MGAM: variants seen among roughly 807,000 people sequenced by gnomAD.
MGAM encodes the protein maltase-glucoamylase.
MGAM carries 253 observed loss-of-function variants against 358.8 expected under a neutral mutation model. That is an observed-to-expected ratio of 0.71 (90% CI 0.64 to 0.78). MGAM has a LOEUF of 0.78. MGAM is among the 30% of genes least tolerant of loss of function. MGAM has a pLI of 0.00. For synonymous variants in MGAM, 1,105 were observed against 1,227.1 expected (o/e 0.90, Z 2.08); for missense variants, 3,080 against 3,432.6 (o/e 0.90, Z 2.57).
chr7:142,042,921 TATA>T (rs1403679896), intron 21 of MGAM, among the ~76,000 whole-genome samples: 5 of 42,590 alleles, frequency 1.2e-4, no homozygotes, highest in African/African-American at 1.5e-4. Context: ...TATATATACA[TATA>T]ATATCTAAAT....
chr7:142,040,206 A>T (rs781587536), intron 20 of MGAM, 35 bp downstream of exon 20: 2 of 1,523,484 alleles, frequency 1.3e-6, no homozygotes, highest in East Asian at 4.5e-5. Context: ...ACTCCTTAAG[A>T]CTGTAGCTGC....
Position 142,008,620 on chromosome 7 carries a change from C to A in MGAM, c.242C>A (p.Thr81Asn). Reference sequence around the variant, plus strand: ...ACGGGTCCCCCAGATCCTGGAACAACTGGTACCACTCCTGTTTCTGCTGAA... The same window carrying A: ...ACGGGTCCCCCAGATCCTGGAACAAATGGTACCACTCCTGTTTCTGCTGAA... Reference protein sequence around the residue: ...RTTGPPDPGTTGTTPVSAECP... With the variant: ...RTTGPPDPGTNGTTPVSAECP... The change falls in exon 3 of 71, where the codon ACT becomes AAT. Residue 81 changes from threonine (T) to asparagine (N), a missense_variant. Thr to Asn is a moderately conservative substitution (Grantham distance 65). This residue lies in a region of MGAM where 1,816 missense variants were observed against 1,840.5 expected (regional missense o/e 0.99). Coordinates refer to ENST00000475668, the MANE Select transcript of MGAM (RefSeq NM_001365693.1). 6.2e-7 allele frequency: 1 copy of A among 1,613,552 alleles called. No homozygotes were observed.
Position 142,027,163 on chromosome 7 carries a change from G to A in MGAM, c.1031G>A (p.Gly344Asp), listed in dbSNP as rs1563126179. ...GCCATCACTTACCGCACCATTGGGG[G>A]CATTCTCGACTTCTATGTGTTCTTG... ...APAITYRTIG[G>D]ILDFYVFLGN... is the part of the protein sequence containing the mutation. The change falls in exon 9 of 71, where the codon GGC becomes GAC. Residue 344 changes from glycine (G) to aspartate (D), a missense_variant. Gly to Asp is a moderately conservative substitution (Grantham distance 94, BLOSUM62 -1). This residue lies in a region of MGAM where 1,816 missense variants were observed against 1,840.5 expected (regional missense o/e 0.99). Transcript: ENST00000475668. 2 of 1,613,672 alleles carry A rather than the reference G, an allele frequency of 1.2e-6. No homozygotes were observed. Among genetic ancestry groups the A allele is most frequent in the East Asian group, 2.2e-5 (1 of 44,882 alleles).
At chr7:142,067,947 T>TATATATAA (rs1474142458) in intron 42 of MGAM, among the ~76,000 whole-genome samples, 62 of 37,350 alleles carry the variant, frequency 1.7e-3, no homozygotes, top group African/African-American at 4.5e-3. Context: ...TATATATATA[T>TATATATAA]ATATATATAT....
At chr7:142,053,503 G>T (rs1482541701) in intron 26 of MGAM, among the ~76,000 whole-genome samples, 1 of 152,172 alleles carries the variant, frequency 6.6e-6, no homozygotes, top group Non-Finnish European at 1.5e-5. Flanking sequence ...TGTTCAGTTT[G>T]GGATGCTGAA....
intron 2 of MGAM, among the ~76,000 whole-genome samples, chr7:141,990,266 G>A (rs1189678441): frequency 6.6e-6 from 1 of 152,194 alleles, no homozygotes; most frequent in Non-Finnish European, 1.5e-5. Context: ...CATGCCAAAT[G>A]ATTCACATGC....
chr7:142,086,506 G>A lies in MGAM; in HGVS notation c.6748-149G>A. On this transcript the variant is annotated intron_variant, in intron 56 of 70. Transcript: ENST00000475668. ...TAATAACTTTTAAGTAATATAATGT[G>A]TTACGGAATTCACTTCTCTTTTACA... is the stretch of plus-strand genomic sequence containing the variant. 2 of 561,306 alleles carry A rather than the reference G, an allele frequency of 3.6e-6. 1 individual carries two copies. The highest frequency in any genetic ancestry group is 4.5e-5 in the South Asian group (2 of 44,066). The allele number at this position is 561,306 out of a possible 1,614,324, so 34.8% of individuals were successfully genotyped here. A position where few individuals can be genotyped will look rare whatever the true frequency, so the allele number is the denominator to read the frequency against.
chr7:142,073,836 G>C (rs1813531066), intron 44 of MGAM, among the ~76,000 whole-genome samples: 1 of 146,128 alleles, frequency 6.8e-6, no homozygotes, highest in South Asian at 2.2e-4. Flanking sequence ...AGCTATTGCA[G>C]TGCCTCTGGT....
intron 36 of MGAM, among the ~76,000 whole-genome samples, chr7:142,064,093 A>C (rs1050079678): frequency 3.9e-5 from 6 of 152,200 alleles, no homozygotes; most frequent in Admixed American, 1.3e-4. Context: ...TCATAGAATT[A>C]TGGAAATAAT....
intron 32 of MGAM, 118 bp downstream of exon 32, chr7:142,059,718 G>T: frequency 6.3e-7 from 1 of 1,577,272 alleles, no homozygotes; most frequent in Admixed American, 1.7e-5. Context: ...AGTAAGAAAG[G>T]TGTATTTCCC....
chr7:142,080,939 C>T lies in MGAM; in HGVS notation c.5996C>T (p.Thr1999Ile), dbSNP rs973541474. The change falls in exon 50 of 71, where the codon ACT becomes ATT. Residue 1999 changes from threonine (T) to isoleucine (I), a missense_variant. Physicochemically the swap from Thr to Ile is moderately conservative, Grantham distance 89. This residue lies in a region of MGAM where 932 missense variants were observed against 1,198.2 expected (regional missense o/e 0.78). Transcript: ENST00000475668. ...GIEIRRKSTG[T>I]IIWDSQLLGF... is the part of the protein sequence containing the mutation. ...GAAATTCGCCGGAAGAGTACAGGCA[C>T]TATAATGTGAGTGGCTTCTAGTGTG... 6.4e-7 allele frequency: 1 copy of T among 1,553,556 alleles called. No individual in the cohort carries two copies. The highest frequency in any genetic ancestry group is 8.8e-7 in the Non-Finnish European group (1 of 1,131,024).
At chr7:142,052,197 C>A in intron 24 of MGAM, 97 bp from the exon 25 acceptor site, 2 of 1,062,898 alleles carry the variant, frequency 1.9e-6, no homozygotes, top group South Asian at 1.7e-5. Context: ...AAAGTCTGGT[C>A]TAATTTCTAT....
At position 142,082,323 on chromosome 7, in the gene MGAM, G is replaced by C; in HGVS notation, c.6171+113G>C. 2.2e-6 allele frequency: 3 copies of C among 1,356,062 alleles called. 1 individual carries two copies. The highest frequency in any genetic ancestry group is 3.0e-6 in the Non-Finnish European group (3 of 983,818). 84.0% of individuals were successfully genotyped at this position (1,356,062 alleles called of 1,614,324 possible). ...TGGTCGTCACATTCTGCTTTTAGGC[G>C]AGTGGGCCAATTCTCAGGCTCCTTT... On this transcript the variant is annotated intron_variant, in intron 51 of 70. Transcript: ENST00000475668.
At chr7:142,048,251 C>T (rs1205059012) in intron 22 of MGAM, among the ~76,000 whole-genome samples, 2 of 151,188 alleles carry the variant, frequency 1.3e-5, no homozygotes, top group Admixed American at 1.3e-4. Context: ...CTCCCAGGCT[C>T]AAGTGATTCT....
upstream of MGAM, among the ~76,000 whole-genome samples, chr7:141,994,532 AC>A (rs1278649124): frequency 2.0e-5 from 3 of 152,210 alleles, no homozygotes; most frequent in African/African-American, 7.2e-5. Context: ...CTGTTGGTCT[AC>A]TGAAATGCTA....
chr7:142,083,212 G>A, intron 52 of MGAM, 89 bp from the exon 53 acceptor site: 1 of 1,007,046 alleles, frequency 9.9e-7, no homozygotes, highest in Non-Finnish European at 1.5e-6. Context: ...CGATAGGGAG[G>A]GTGCAGGAAA....
At position 142,020,178 on chromosome 7, in the gene MGAM, T is replaced by C. The variant is rs75029352; in HGVS notation, c.449-796T>C. ...TCTCGGTATAAAGGAGGAGGCATGT[T>C]CCCCTTTCAGATGCTCTTGGCCTGA... On this transcript the variant is annotated intron_variant, in intron 4 of 70. Transcript: ENST00000475668. Among the ~76,000 whole-genome samples, 505 of 152,266 alleles carry C rather than the reference T, an allele frequency of 3.3e-3. 15 individuals carry two copies. The South Asian group carries it at 0.055, about 17-fold the overall frequency.
At chr7:142,064,583 T>C in intron 37 of MGAM, 61 bp downstream of exon 37, 1 of 1,534,316 alleles carries the variant, frequency 6.5e-7, no homozygotes, top group Non-Finnish European at 8.8e-7. Flanking sequence ...GTGACTGACA[T>C]AGCTACCCTA....
intron 30 of MGAM, among the ~76,000 whole-genome samples, chr7:142,057,658 GTGGTGATGA>G (rs1024368023): frequency 1.3e-5 from 2 of 151,730 alleles, no homozygotes; most frequent in Admixed American, 1.3e-4. Flanking sequence ...GATGATGGTG[GTGGTGATGA>G]TGGTGATGAT....
Sources: allele counts gnomAD v4.1 joint callset (sites outside exome capture counted in the v4.1 genomes callset), GRCh38; gene constraint gnomAD v4.1.1; regional missense constraint gnomAD v4.1.1; transcripts MANE v1.5; gene names NCBI Gene and HGNC (gene_info 2026-07-23, HGNC 2026-07-21).